The following SLC16A12 variants were observed in gnomAD, a reference collection of about 807,000 sequenced individuals.
SLC16A12 encodes the protein monocarboxylate transporter 12.
A neutral mutation model predicts 42.4 loss-of-function variants in SLC16A12; 17 were observed. The observed-to-expected ratio is 0.40, with a 90% CI of 0.27 to 0.60. The LOEUF (loss-of-function observed/expected upper bound fraction) is 0.60, where lower values mean the gene tolerates loss of function less well. SLC16A12 is among the 20% of genes least tolerant of loss of function. The pLI is 0.42. For missense variants in SLC16A12, 544 were observed against 623.0 expected, an observed-to-expected ratio of 0.87 and a Z score of 1.35; for synonymous variants, 224 against 229.4, an observed-to-expected ratio of 0.98 and a Z score of 0.21.
In SLC16A12 at chr10:89,460,787, C is replaced by G. The variant is rs188037795; in HGVS notation, c.200+1592G>C. Among the ~76,000 whole-genome samples, 16 of 147,888 alleles carry G rather than the reference C, an allele frequency of 1.1e-4. No homozygotes were observed. In the Admixed American group the frequency reaches 1.1e-3, roughly 10 times the overall value. ...AAAAAAATCACACTTCATAGTATTT[C>G]TGGTTCTAGGTCAGGGAGGAATCAC... is the stretch of plus-strand genomic sequence containing the variant. On this transcript the variant is annotated intron_variant, in intron 3 of 7. Transcript: ENST00000371790.
chr10:89,481,676 A>AGTGTGT (rs1358970052), intron 2 of SLC16A12, among the ~76,000 whole-genome samples: 6 of 147,642 alleles, frequency 4.1e-5, no homozygotes, highest in Non-Finnish European at 6.0e-5. Context: ...AGAGAGAGAG[A>AGTGTGT]GAGTGTGTGT....
At chr10:89,515,462 A>G (rs951109721) in intron 2 of SLC16A12, among the ~76,000 whole-genome samples, 6 of 152,224 alleles carry the variant, frequency 3.9e-5, no homozygotes, top group Non-Finnish European at 8.8e-5. Flanking sequence ...ATTCCCCTCC[A>G]GCCACCTGCT....
intron 2 of SLC16A12, among the ~76,000 whole-genome samples, chr10:89,501,712 G>A (rs1251543075): frequency 6.6e-6 from 1 of 152,016 alleles, no homozygotes; most frequent in African/African-American, 2.4e-5. Flanking sequence ...GATTACACCA[G>A]TACACTCCAG....
chr10:89,525,662 T>C (rs1843439591), intron 2 of SLC16A12, among the ~76,000 whole-genome samples: 1 of 152,238 alleles, frequency 6.6e-6, no homozygotes, highest in South Asian at 2.1e-4. Context: ...AAGAGTGTTT[T>C]TGAATTTTTT....
intron 2 of SLC16A12, among the ~76,000 whole-genome samples, chr10:89,464,549 A>C (rs1842360630): frequency 6.6e-6 from 1 of 152,220 alleles, no homozygotes; most frequent in African/African-American, 2.4e-5. Flanking sequence ...AATTAAATGA[A>C]ATGTCATTTC....
chr10:89,554,105 A>AAGGGAGGG, intron 2 of SLC16A12, among the ~76,000 whole-genome samples: 1 of 143,324 alleles, frequency 7.0e-6, no homozygotes, highest in African/African-American at 2.6e-5. Context: ...AGAAAGAAGG[A>AAGGGAGGG]AGGAAGGAAG....
chr10:89,464,223 C>T (rs960637881), intron 2 of SLC16A12, among the ~76,000 whole-genome samples: 2 of 152,158 alleles, frequency 1.3e-5, no homozygotes, highest in African/African-American at 2.4e-5. Flanking sequence ...CCCAAGTGAG[C>T]CTGGAAGCAG....
At chr10:89,502,481 C>T (rs1301897712) in intron 2 of SLC16A12, among the ~76,000 whole-genome samples, 1 of 151,904 alleles carries the variant, frequency 6.6e-6, no homozygotes, top group Non-Finnish European at 1.5e-5. Context: ...AAAGTGATGC[C>T]CACAGAAACT....
chr10:89,540,481 C>T (rs1843708620), upstream of SLC16A12, among the ~76,000 whole-genome samples: 1 of 152,166 alleles, frequency 6.6e-6, no homozygotes, highest in East Asian at 1.9e-4. Flanking sequence ...TAGACTTTAG[C>T]CCCTATTTCC....
chr10:89,499,489 G>C (rs369226813), intron 2 of SLC16A12, among the ~76,000 whole-genome samples: 6 of 152,244 alleles, frequency 3.9e-5, no homozygotes, highest in African/African-American at 1.4e-4. Context: ...GGGAGGTGGA[G>C]GTTACGGTGA....
intron 2 of SLC16A12, among the ~76,000 whole-genome samples, chr10:89,522,193 TC>T (rs1564598430): frequency 6.6e-6 from 1 of 152,216 alleles, no homozygotes; most frequent in Non-Finnish European, 1.5e-5. Context: ...ACTTCTGAAA[TC>T]TAGAGTTGTA....
At chr10:89,459,179 G>A (rs889014438) in intron 3 of SLC16A12, among the ~76,000 whole-genome samples, 1 of 152,160 alleles carries the variant, frequency 6.6e-6, no homozygotes, top group Non-Finnish European at 1.5e-5. Flanking sequence ...TGATTCTTAA[G>A]AGGGCCTGTG....
chr10:89,452,318 T>C (rs892616218), intron 3 of SLC16A12, among the ~76,000 whole-genome samples: 20 of 152,212 alleles, frequency 1.3e-4, no homozygotes, highest in African/African-American at 4.8e-4. Flanking sequence ...TATGTATGTA[T>C]GAGCTATAAA....
At chr10:89,486,808 T>G (rs1842763484) in intron 2 of SLC16A12, among the ~76,000 whole-genome samples, 1 of 152,106 alleles carries the variant, frequency 6.6e-6, no homozygotes, top group Non-Finnish European at 1.5e-5. Context: ...GGATACCTTG[T>G]TTTTCTTTTT....
chr10:89,453,542 A>C (rs1291140645), intron 3 of SLC16A12, among the ~76,000 whole-genome samples: 1 of 152,146 alleles, frequency 6.6e-6, no homozygotes, highest in Non-Finnish European at 1.5e-5. Flanking sequence ...TTGTGTTACA[A>C]TTGTCTACAG....
chr10:89,551,692 C>A (rs1843772047), intron 2 of SLC16A12, among the ~76,000 whole-genome samples: 1 of 152,122 alleles, frequency 6.6e-6, no homozygotes, highest in African/African-American at 2.4e-5. Context: ...CTTAAGAGAT[C>A]TGATGGTTTT....
chr10:89,478,452 C>T (rs17122322), intron 2 of SLC16A12, among the ~76,000 whole-genome samples: 9,475 of 152,186 alleles, frequency 0.062, 649 homozygotes, highest in African/African-American at 0.17. Flanking sequence ...CAGTGTGATC[C>T]GTAAGCTTGC....
exon 1 of SLC16A12, chr10:89,556,529 C>A (rs1843816919): frequency 6.6e-6 from 1 of 152,202 alleles, no homozygotes; most frequent in South Asian, 2.1e-4. Flanking sequence ...CTTACCTTTT[C>A]TGCCCTCCTT....
chr10:89,491,102 C>A (rs1241428876), intron 2 of SLC16A12, among the ~76,000 whole-genome samples: 1 of 152,202 alleles, frequency 6.6e-6, no homozygotes, highest in African/African-American at 2.4e-5. Flanking sequence ...CCATGAATAG[C>A]AACTATACTA....
Sources: gnomAD v4.1 joint callset for allele counts (sites outside exome capture counted in the v4.1 genomes callset) on GRCh38, gnomAD v4.1.1 for gene constraint, MANE v1.5 for transcripts, NCBI Gene and HGNC (gene_info 2026-07-23, HGNC 2026-07-21) for gene names.